The following SH3RF1 variants were observed in gnomAD, a reference collection of about 807,000 sequenced individuals.
SH3RF1 encodes E3 ubiquitin-protein ligase SH3RF1.
Under a neutral mutation model 74.0 loss-of-function variants are expected in SH3RF1, and 32 were observed. The ratio of observed to expected loss-of-function variants is 0.43; its 90% CI spans 0.33 to 0.58. The LOEUF (loss-of-function observed/expected upper bound fraction) is 0.58, where lower values mean the gene tolerates loss of function less well. Among genes scored for constraint, SH3RF1 ranks in the 20% least tolerant of loss-of-function variants. SH3RF1 has a pLI of 0.05. For missense variants in SH3RF1, 954 were observed against 1,130.9 expected, an observed-to-expected ratio of 0.84 and a Z score of 2.24; for synonymous variants, 396 against 439.6, an observed-to-expected ratio of 0.90 and a Z score of 1.24.
chr4:169,136,505 T>A lies in SH3RF1; in HGVS notation c.881A>T (p.Asp294Val). The stretch of plus-strand genomic sequence containing the variant: ...CCGCTTTTTGGTGTTCTTCTTGGTG[T>A]CGGAGTGCTTTGGGGCAGTGCTGCT... ...AQSSTAPKHS[D>V]TKKNTKKRHS... Residue 294 changes from aspartate (D) to valine (V), a missense_variant, in exon 5 of 12, where the codon GAC becomes GTC. Around this residue, in one of 3 missense-constraint regions of SH3RF1, gnomAD observed 854 missense variants for 962.5 expected, o/e 0.89. Coordinates refer to ENST00000284637, the MANE Select transcript of SH3RF1 (RefSeq NM_020870.4). 5 of 1,613,636 alleles carry A rather than the reference T, an allele frequency of 3.1e-6. No homozygotes were observed. The highest frequency in any genetic ancestry group is 4.2e-6 in the Non-Finnish European group (5 of 1,179,906).
chr4:169,199,419 C>T (rs1047186228), intron 2 of SH3RF1, among the ~76,000 whole-genome samples: 1 of 152,086 alleles, frequency 6.6e-6, no homozygotes, highest in South Asian at 2.1e-4. Flanking sequence ...GTGGCTTCAC[C>T]AACCATTAGG....
At position 169,156,521 on chromosome 4, in the gene SH3RF1, G is replaced by A. The variant is rs765380245; in HGVS notation, c.552C>T (p.Pro184=). 3.1e-6 allele frequency: 5 copies of A among 1,614,022 alleles called. No homozygotes were observed. The East Asian group carries it at 6.7e-5, about 22-fold the overall frequency. Residue 184 remains proline, a synonymous_variant, in exon 3 of 12, where the codon CCC becomes CCT. Coordinates refer to ENST00000284637, the MANE Select transcript of SH3RF1 (RefSeq NM_020870.4). The part of the protein sequence containing the change: ...GEVNGIHGFF[P]TNFVQIIKPL... ...GTTTAATAATCTGCACAAAGTTGGT[G>A]GGGAAAAAGCCATGGATTCCATTGA...
chr4:169,108,405 G>T (rs919900671), intron 10 of SH3RF1, among the ~76,000 whole-genome samples: 2 of 152,142 alleles, frequency 1.3e-5, no homozygotes, highest in African/African-American at 4.8e-5. Flanking sequence ...GAGACAGTAT[G>T]GCAGAAAAAA....
chr4:169,105,112 T>G (rs1468714814), intron 11 of SH3RF1, among the ~76,000 whole-genome samples: 11 of 152,044 alleles, frequency 7.2e-5, no homozygotes, highest in Non-Finnish European at 1.6e-4. Flanking sequence ...TTTAAAAACA[T>G]AACACTTTAT....
At chr4:169,233,130 T>A (rs904127521) in intron 2 of SH3RF1, among the ~76,000 whole-genome samples, 1 of 151,888 alleles carries the variant, frequency 6.6e-6, no homozygotes, top group Non-Finnish European at 1.5e-5. Flanking sequence ...GCACCTCTAA[T>A]TCCAGCTACT....
chr4:169,196,986 C>G (rs962550774), intron 2 of SH3RF1, among the ~76,000 whole-genome samples: 2 of 151,936 alleles, frequency 1.3e-5, no homozygotes, highest in African/African-American at 2.4e-5. Flanking sequence ...AAAGGTCATC[C>G]TTAATTCTAT....
chr4:169,120,790 C>T (rs1283670619), intron 8 of SH3RF1, 29 bp downstream of exon 8: 1 of 1,611,068 alleles, frequency 6.2e-7, no homozygotes, highest in Admixed American at 1.7e-5. Flanking sequence ...CTGTTTAGAA[C>T]ATAGTAAACA....
chr4:169,137,986 T>C (rs1308550836), intron 4 of SH3RF1, among the ~76,000 whole-genome samples: 1 of 152,212 alleles, frequency 6.6e-6, no homozygotes, highest in Admixed American at 6.5e-5. Flanking sequence ...CATTCAGAAA[T>C]AATAGGCAGT....
intron 4 of SH3RF1, among the ~76,000 whole-genome samples, chr4:169,150,514 C>T (rs1388696015): frequency 2.6e-5 from 4 of 152,148 alleles, no homozygotes; most frequent in African/African-American, 4.8e-5. Flanking sequence ...AATCCACTCT[C>T]AGCATTTTTC....
intron 2 of SH3RF1, among the ~76,000 whole-genome samples, chr4:169,161,519 A>G (rs1734148005): frequency 6.6e-6 from 1 of 152,220 alleles, no homozygotes; most frequent in Admixed American, 6.5e-5. Flanking sequence ...CTGAGATTCT[A>G]ACAGGTAAAT....
chr4:169,145,528 T>C (rs1250318685), intron 4 of SH3RF1, among the ~76,000 whole-genome samples: 1 of 147,976 alleles, frequency 6.8e-6, no homozygotes, highest in East Asian at 1.9e-4. Flanking sequence ...AATACCAATG[T>C]AATAAACCAG....
At chr4:169,270,369 C>T (rs1270611572) in intron 1 of SH3RF1, among the ~76,000 whole-genome samples, 1 of 152,090 alleles carries the variant, frequency 6.6e-6, no homozygotes, top group African/African-American at 2.4e-5. Context: ...GGCTGCGGCC[C>T]GGCCGGTCCC....
At chr4:169,124,854 G>C (rs1263800275) in intron 6 of SH3RF1, among the ~76,000 whole-genome samples, 1 of 152,108 alleles carries the variant, frequency 6.6e-6, no homozygotes, top group Non-Finnish European at 1.5e-5. Flanking sequence ...GCAGTTTGCT[G>C]TCCTGCAAGA....
chr4:169,233,263 A>C (rs1021997058), intron 2 of SH3RF1, among the ~76,000 whole-genome samples: 8 of 151,466 alleles, frequency 5.3e-5, no homozygotes, highest in Admixed American at 1.3e-4. Flanking sequence ...AAAAAAAAAA[A>C]AAAAAAAAAA....
chr4:169,127,896 G>T (rs997887314), intron 6 of SH3RF1, among the ~76,000 whole-genome samples: 1 of 152,124 alleles, frequency 6.6e-6, no homozygotes, highest in Non-Finnish European at 1.5e-5. Context: ...GACCAGAAGT[G>T]TTTCGGATTT....
intron 2 of SH3RF1, among the ~76,000 whole-genome samples, chr4:169,186,330 T>C (rs1734601885): frequency 1.3e-5 from 2 of 151,998 alleles, no homozygotes; most frequent in South Asian, 4.2e-4. Context: ...ATACTGCACA[T>C]GTACCCATGA....
chr4:169,101,776 T>C (rs914482809), intron 11 of SH3RF1, among the ~76,000 whole-genome samples: 1 of 151,742 alleles, frequency 6.6e-6, no homozygotes, highest in Non-Finnish European at 1.5e-5. Context: ...GGAGGCATTA[T>C]GGGGTGACCA....
chr4:169,151,763 T>C (rs1579108709), intron 4 of SH3RF1, among the ~76,000 whole-genome samples: 1 of 152,360 alleles, frequency 6.6e-6, no homozygotes, highest in Non-Finnish European at 1.5e-5. Flanking sequence ...TTTTTTGGTG[T>C]TGAAAAACTG....
chr4:169,200,249 T>TA (rs1290348019), intron 2 of SH3RF1, among the ~76,000 whole-genome samples: 1 of 152,198 alleles, frequency 6.6e-6, no homozygotes, highest in Non-Finnish European at 1.5e-5. Flanking sequence ...AGGACATGTG[T>TA]AGTAATGCCA....
Sources: allele counts gnomAD v4.1 joint callset (sites outside exome capture counted in the v4.1 genomes callset), GRCh38; gene constraint gnomAD v4.1.1; regional missense constraint gnomAD v4.1.1; transcripts MANE v1.5; gene names NCBI Gene and HGNC (gene_info 2026-07-23, HGNC 2026-07-21).